The following FGD5 variants were observed in gnomAD, a reference collection of about 807,000 sequenced individuals.
The protein encoded by FGD5 is FYVE, RhoGEF and PH domain containing 5.
A neutral mutation model predicts 133.4 loss-of-function variants in FGD5; 28 were observed. The ratio of observed to expected loss-of-function variants is 0.21; its 90% CI spans 0.16 to 0.29. The LOEUF (loss-of-function observed/expected upper bound fraction) is 0.29. Among genes scored for constraint, FGD5 ranks in the 10% least tolerant of loss-of-function variants. FGD5 has a pLI of 1.00. For synonymous variants in FGD5, 810 were observed against 776.5 expected (o/e 1.04, Z -0.72); for missense variants, 1,858 against 1,895.2 (o/e 0.98, Z 0.36).
At chr3:14,923,024 A>G in intron 15 of FGD5, 22 bp from the exon 16 acceptor site, 3 of 1,613,072 alleles carry the variant, frequency 1.9e-6, no homozygotes, top group South Asian at 2.2e-5. Context: ...AGGGGTGAGA[A>G]TCTTCCCACC....
At chr3:14,923,701 A>G (rs1347245860) in intron 16 of FGD5, among the ~76,000 whole-genome samples, 1 of 152,092 alleles carries the variant, frequency 6.6e-6, no homozygotes, top group Non-Finnish European at 1.5e-5. Context: ...GCCTAAAACT[A>G]AAGTCTTTCC....
chr3:14,862,069 G>T (rs537146502), intron 1 of FGD5, among the ~76,000 whole-genome samples: 1 of 152,264 alleles, frequency 6.6e-6, no homozygotes, highest in African/African-American at 2.4e-5. Context: ...TTGAAGGTAA[G>T]CCTGGGAGGA....
chr3:14,930,261 T>C (rs1183090259), intron 18 of FGD5, among the ~76,000 whole-genome samples: 2 of 152,228 alleles, frequency 1.3e-5, no homozygotes, highest in African/African-American at 4.8e-5. Flanking sequence ...TTATAGTAAG[T>C]CTTGAAGTCA....
chr3:14,860,543 C>T (rs1184576874), intron 1 of FGD5, among the ~76,000 whole-genome samples: 6 of 152,278 alleles, frequency 3.9e-5, no homozygotes, highest in South Asian at 2.1e-4. Flanking sequence ...ATGGGCTCCA[C>T]GACTGCCATG....
chr3:14,927,968 A>T (rs76061131), intron 18 of FGD5, among the ~76,000 whole-genome samples: 9,092 of 142,986 alleles, frequency 0.064, 350 homozygotes, highest in East Asian at 0.18. Context: ...TTTGAGATGG[A>T]GACTCACTCT....
chr3:14,924,720 G>C (rs1352539340), intron 17 of FGD5, among the ~76,000 whole-genome samples: 2 of 152,094 alleles, frequency 1.3e-5, no homozygotes, highest in Non-Finnish European at 2.9e-5. Context: ...AGGTAGCAAG[G>C]GTTTAAAAAA....
intron 11 of FGD5, among the ~76,000 whole-genome samples, chr3:14,914,938 AG>A (rs1222484333): frequency 2.0e-5 from 3 of 152,264 alleles, no homozygotes; most frequent in Non-Finnish European, 2.9e-5. Context: ...CTTAGAAGGC[AG>A]GGCAAGAACA....
At chr3:14,817,029 C>T (rs960172320), upstream of FGD5, among the ~76,000 whole-genome samples, 2 of 152,058 alleles carry the variant, frequency 1.3e-5, no homozygotes, top group African/African-American at 4.8e-5. Flanking sequence ...TAAAATGTAG[C>T]TAGTCTAAAT....
chr3:14,844,214 AAAAATATATATATATAT>A (rs1365533437), intron 1 of FGD5, among the ~76,000 whole-genome samples: 2 of 35,562 alleles, frequency 5.6e-5, no homozygotes, highest in African/African-American at 1.1e-4. Flanking sequence ...TAAAAAAAAA[AAAAATATATATATATAT>A]ATATATATAT....
chr3:14,831,045 G>T (rs1277071023), intron 1 of FGD5, among the ~76,000 whole-genome samples: 1 of 152,228 alleles, frequency 6.6e-6, no homozygotes, highest in Non-Finnish European at 1.5e-5. Flanking sequence ...CTCTGAAGAG[G>T]TGAACTTGAG....
chr3:14,863,741 C>T (rs1385384066), intron 1 of FGD5, among the ~76,000 whole-genome samples: 1 of 152,244 alleles, frequency 6.6e-6, no homozygotes, highest in Admixed American at 6.5e-5. Flanking sequence ...ATCATTGCAT[C>T]CCTTACTCAG....
intron 2 of FGD5, 149 bp from the exon 3 acceptor site, chr3:14,880,423 G>T (rs74664158): frequency 0.01 from 6,434 of 615,994 alleles, 249 homozygotes; most frequent in African/African-American, 0.089. Context: ...GAGGTGCAGA[G>T]AGGTTAAATA....
intron 11 of FGD5, among the ~76,000 whole-genome samples, chr3:14,913,170 G>A (rs894763929): frequency 1.3e-5 from 2 of 152,158 alleles, no homozygotes; most frequent in African/African-American, 4.8e-5. Context: ...TCACAGACAT[G>A]TGCGAGCCTC....
chr3:14,896,189 A>G (rs568066071), intron 4 of FGD5, among the ~76,000 whole-genome samples: 1 of 152,252 alleles, frequency 6.6e-6, no homozygotes, highest in Non-Finnish European at 1.5e-5. Flanking sequence ...AAGAACTAAT[A>G]TTGCTAAAAT....
intron 2 of FGD5, among the ~76,000 whole-genome samples, chr3:14,876,857 C>G (rs565720428): frequency 1.3e-5 from 2 of 152,178 alleles, no homozygotes; most frequent in Non-Finnish European, 2.9e-5. Flanking sequence ...ACAGAGGACC[C>G]GGATTCTTGA....
At chr3:14,815,188 C>T (rs1161218568), upstream of FGD5, among the ~76,000 whole-genome samples, 1 of 152,166 alleles carries the variant, frequency 6.6e-6, no homozygotes, top group Admixed American at 6.5e-5. Context: ...ATTCCTTTCG[C>T]CTCATCTGCT....
chr3:14,877,142 C>G (rs1264201919), intron 2 of FGD5, among the ~76,000 whole-genome samples: 2 of 152,272 alleles, frequency 1.3e-5, no homozygotes, highest in African/African-American at 4.8e-5. Context: ...TCCCTGGACT[C>G]TGCCGTCAGC....
At chr3:14,916,766 A>C (rs1190778926) in intron 11 of FGD5, among the ~76,000 whole-genome samples, 1 of 152,184 alleles carries the variant, frequency 6.6e-6, no homozygotes, top group Non-Finnish European at 1.5e-5. Context: ...TATTTAGATT[A>C]GTTCTGCCTA....
At chr3:14,822,489 G>T (rs950889556) in intron 1 of FGD5, among the ~76,000 whole-genome samples, 15 of 142,362 alleles carry the variant, frequency 1.1e-4, no homozygotes, top group Middle Eastern at 7.5e-3. Context: ...ATCCAAGCTT[G>T]TTTTTTTTTT....
Sources: allele counts gnomAD v4.1 joint callset (sites outside exome capture counted in the v4.1 genomes callset), GRCh38; gene constraint gnomAD v4.1.1; transcripts MANE v1.5; gene names NCBI Gene and HGNC (gene_info 2026-07-23, HGNC 2026-07-21).